Variants in TG observed in about 807,000 individuals in gnomAD.
The protein encoded by TG is thyroid hormones.
Under a neutral mutation model 324.7 loss-of-function variants are expected in TG, and 270 were observed. The observed-to-expected ratio is 0.83, with a 90% confidence interval of 0.75 to 0.92. The LOEUF is 0.92. TG is among the 40% of genes least tolerant of loss of function. The pLI is 0.00. For missense variants in TG, 3,591 were observed against 3,456.4 expected (o/e 1.04, Z -0.98); for synonymous variants, 1,401 against 1,327.0 (o/e 1.06, Z -1.21).
chr8:132,914,253 C>G (rs1394956113), intron 20 of TG, among the ~76,000 whole-genome samples: 1 of 152,212 alleles, frequency 6.6e-6, no homozygotes, highest in African/African-American at 2.4e-5. Context: ...TTTGTCATGT[C>G]TACCACTGAA....
At chr8:132,921,562 A>G (rs1354724590) in intron 21 of TG, among the ~76,000 whole-genome samples, 3 of 152,226 alleles carry the variant, frequency 2.0e-5, no homozygotes, top group Non-Finnish European at 4.4e-5. Context: ...GAGTCTGCCA[A>G]GTTTTAAATA....
chr8:132,929,168 T>C lies in TG; in HGVS notation c.4792T>C (p.Phe1598Leu). 6.2e-7 allele frequency: 1 copy of C among 1,614,138 alleles called. No homozygotes were observed. Among genetic ancestry groups the C allele is most frequent in the Non-Finnish European group, 8.5e-7 (1 of 1,179,984 alleles). ...AVRSKVPDSEFPVMQCLTDCT... is the reference protein window; with the variant it reads ...AVRSKVPDSELPVMQCLTDCT... ...CAGATCCAAAGTTCCTGATTCTGAG[T>C]TCCCCGTGATGCAGTGCTTGACAGG... Residue 1598 changes from phenylalanine to leucine, a missense_variant, in exon 23 of 48, where the codon TTC becomes CTC. By Grantham distance (22) the Phe-to-Leu change is conservative. Transcript: ENST00000220616.
At chr8:132,943,440 T>G (rs1824756998) in intron 26 of TG, among the ~76,000 whole-genome samples, 1 of 152,126 alleles carries the variant, frequency 6.6e-6, no homozygotes, top group South Asian at 2.1e-4. Flanking sequence ...CATGAGCCAA[T>G]TAAATCTCTT....
intron 35 of TG, chr8:132,995,163 A>G: frequency 1.0e-6 from 1 of 968,284 alleles, no homozygotes; most frequent in Non-Finnish European, 1.2e-6. Context: ...CTACTCTATG[A>G]ATAACCTAGG....
chr8:132,987,528 T>A (rs1177932234), intron 35 of TG, among the ~76,000 whole-genome samples: 1 of 152,168 alleles, frequency 6.6e-6, no homozygotes, highest in Non-Finnish European at 1.5e-5. Context: ...GCATGGTCTG[T>A]TTTTCAAATA....
intron 16 of TG, among the ~76,000 whole-genome samples, chr8:132,905,776 T>C (rs1489431147): frequency 2.0e-5 from 3 of 152,072 alleles, no homozygotes; most frequent in African/African-American, 7.2e-5. Context: ...CTGTACCTGG[T>C]GGCCTGGGAA....
At chr8:132,895,495 C>A (rs1816963335) in intron 11 of TG, among the ~76,000 whole-genome samples, 1 of 152,258 alleles carries the variant, frequency 6.6e-6, no homozygotes, top group South Asian at 2.1e-4. Context: ...GAGAACAAGG[C>A]ACTGTGTCTT....
chr8:132,897,010 G>A (rs1208970564), intron 11 of TG, among the ~76,000 whole-genome samples: 1 of 152,184 alleles, frequency 6.6e-6, no homozygotes, highest in Non-Finnish European at 1.5e-5. Context: ...TGGGGTAAAA[G>A]TTCTGGCTTC....
At chr8:133,030,872 C>A (rs1359936205) in intron 41 of TG, among the ~76,000 whole-genome samples, 3 of 152,196 alleles carry the variant, frequency 2.0e-5, no homozygotes, top group African/African-American at 7.2e-5. Context: ...GAGGACAGAG[C>A]CCTGGTGGGG....
At chr8:132,912,909 C>A in intron 19 of TG, 138 bp from the exon 20 acceptor site, 1 of 850,692 alleles carries the variant, frequency 1.2e-6, no homozygotes, top group Non-Finnish European at 1.9e-6. Context: ...CAGTTCCTCC[C>A]TCTGTAAAAT....
In TG at chr8:133,102,386, CT is replaced by C. The variant is rs1325366257; in HGVS notation, c.7572+6014del. The C allele has an allele frequency of 3.4e-5, 20 of 595,344 alleles. No individual in the cohort carries two copies. The East Asian group carries it at 5.4e-4, about 16-fold the overall frequency. The allele number at this position is 595,344 out of a possible 1,614,324, so 36.9% of individuals were successfully genotyped here. A position where few individuals can be genotyped will look rare whatever the true frequency, so the allele number is the denominator to read the frequency against. On this transcript the variant is annotated intron_variant, in intron 43 of 47. Transcript: ENST00000220616. ...AGCCTCTTACCCCAAGTCCTGCCCC[CT>C]GGAGCTACTCACCACCAGCAGAGAC...
chr8:132,999,600 A>ACTGCAGC (rs945932756), intron 35 of TG, among the ~76,000 whole-genome samples: 8 of 152,118 alleles, frequency 5.3e-5, no homozygotes, highest in African/African-American at 1.7e-4. Context: ...AGGTCAGAAA[A>ACTGCAGC]CTGCAGCCTG....
rs752525354 is a variant in TG at position 132,900,224 on chromosome 8, G to A, written c.3331-13G>A. On this transcript the variant is annotated splice_polypyrimidine_tract_variant and intron_variant, in intron 14 of 47. Transcript: ENST00000220616. ...TGCCCACAGTGACTGACATGACCCCGGCTTTGTCTCAGACAGGAGAGTATG... is the reference window on the plus strand; with the variant it reads ...TGCCCACAGTGACTGACATGACCCCAGCTTTGTCTCAGACAGGAGAGTATG... The A allele has an allele frequency of 9.9e-6, 16 of 1,612,592 alleles. No individual in the cohort carries two copies. The Admixed American group carries it at 1.0e-4, about 10-fold the overall frequency.
intron 43 of TG, among the ~76,000 whole-genome samples, chr8:133,111,159 G>C (rs935199320): frequency 6.6e-6 from 1 of 152,154 alleles, no homozygotes; most frequent in Non-Finnish European, 1.5e-5. Flanking sequence ...CCTTCCATGG[G>C]CCGAGGTCCC....
intron 18 of TG, among the ~76,000 whole-genome samples, chr8:132,910,587 A>G (rs890725822): frequency 8.4e-6 from 1 of 119,414 alleles, no homozygotes; most frequent in Non-Finnish European, 2.0e-5. Context: ...GTGTCCTTAT[A>G]AAAGAGACCC....
intron 34 of TG, among the ~76,000 whole-genome samples, chr8:132,977,467 C>T (rs1195110998): frequency 6.6e-6 from 1 of 152,044 alleles, no homozygotes; most frequent in African/African-American, 2.4e-5. Flanking sequence ...TGTATTAGTC[C>T]ATTTTCATGC....
chr8:132,963,168 A>G, intron 29 of TG, 94 bp downstream of exon 29: 1 of 1,114,442 alleles, frequency 9.0e-7, no homozygotes, highest in Non-Finnish European at 1.4e-6. Flanking sequence ...GGACGTATTG[A>G]CATCACTCTA....
At chr8:132,923,785 C>T (rs1403069305) in intron 22 of TG, among the ~76,000 whole-genome samples, 2 of 152,246 alleles carry the variant, frequency 1.3e-5, no homozygotes, top group East Asian at 3.9e-4. Context: ...TCAGCATGCA[C>T]AAGAGATGAA....
At position 133,069,258 on chromosome 8, in the gene TG, C is replaced by T. The variant is rs1587978486; in HGVS notation, c.7240-25786C>T. On this transcript the variant is annotated intron_variant, in intron 41 of 47. Coordinates refer to ENST00000220616, the MANE Select transcript of TG (RefSeq NM_003235.5). ...GCAAGAGTTACTTTTCCTTTTTATTCGTACATGTGAATCACAGCATTACTC... is the reference window on the plus strand; with the variant it reads ...GCAAGAGTTACTTTTCCTTTTTATTTGTACATGTGAATCACAGCATTACTC... Among the ~76,000 whole-genome samples, 4 of 152,170 alleles carry T rather than the reference C, an allele frequency of 2.6e-5. No individual in the cohort carries two copies. In the South Asian group the frequency reaches 8.3e-4, roughly 31 times the overall value.
Sources: gnomAD v4.1 joint callset for allele counts (sites outside exome capture counted in the v4.1 genomes callset) on GRCh38, gnomAD v4.1.1 for gene constraint, MANE v1.5 for transcripts, NCBI Gene and HGNC (gene_info 2026-07-23, HGNC 2026-07-21) for gene names.